The following ARMC1 variants were observed in gnomAD, a reference collection of about 807,000 sequenced individuals.
The protein encoded by ARMC1 is armadillo repeat-containing protein 1.
In ARMC1, 16 loss-of-function variants were observed where a neutral mutation model predicts 31.4. That is an observed-to-expected ratio of 0.51 (90% CI 0.34 to 0.77). The LOEUF is 0.77. ARMC1 is among the 30% of genes least tolerant of loss of function. ARMC1 has a pLI of 0.01. For synonymous variants in ARMC1, 114 were observed against 118.9 expected (o/e 0.96, Z 0.27); for missense variants, 259 against 347.5 (o/e 0.75, Z 2.02).
At chr8:65,625,096 G>A (rs566608034) in intron 2 of ARMC1, among the ~76,000 whole-genome samples, 1 of 152,318 alleles carries the variant, frequency 6.6e-6, no homozygotes, top group South Asian at 2.1e-4. Flanking sequence ...TCTCCAGCCT[G>A]GGTGGCAAGA....
At chr8:65,612,516 T>A (rs1231997431) in intron 4 of ARMC1, among the ~76,000 whole-genome samples, 2 of 151,522 alleles carry the variant, frequency 1.3e-5, no homozygotes, top group Admixed American at 6.6e-5. Context: ...GTGGGGGAAA[T>A]TTTTCAGATA....
intron 1 of ARMC1, among the ~76,000 whole-genome samples, chr8:65,629,594 T>A (rs1585722551): frequency 6.8e-6 from 1 of 148,118 alleles, no homozygotes. Flanking sequence ...AGGTCAGGAG[T>A]TCAAGACCAG....
intron 2 of ARMC1, among the ~76,000 whole-genome samples, chr8:65,625,215 C>T (rs1022193116): frequency 6.6e-6 from 1 of 152,030 alleles, no homozygotes; most frequent in Non-Finnish European, 1.5e-5. Flanking sequence ...TGACTTTATA[C>T]TTCCCTTCCT....
At chr8:65,614,464 T>C (rs1418036103) in intron 3 of ARMC1, among the ~76,000 whole-genome samples, 1 of 152,118 alleles carries the variant, frequency 6.6e-6, no homozygotes, top group African/African-American at 2.4e-5. Context: ...CCAAACAGAG[T>C]GAGTGGCTAA....
At chr8:65,627,600 G>C (rs972163451) in intron 1 of ARMC1, among the ~76,000 whole-genome samples, 167 bp from the exon 2 acceptor site, 1 of 152,078 alleles carries the variant, frequency 6.6e-6, no homozygotes, top group East Asian at 1.9e-4. Flanking sequence ...TAAAATGAAC[G>C]TAAGACGACT....
intron 4 of ARMC1, among the ~76,000 whole-genome samples, chr8:65,611,695 CTTTG>C (rs781723729): frequency 5.3e-4 from 81 of 152,154 alleles, no homozygotes; most frequent in South Asian, 1.5e-3. Context: ...CCACTTTAAA[CTTTG>C]TTTAACTACT....
chr8:65,607,848 T>A (rs1808036799), intron 4 of ARMC1, among the ~76,000 whole-genome samples: 1 of 152,128 alleles, frequency 6.6e-6, no homozygotes, highest in African/African-American at 2.4e-5. Context: ...TAATTTTTTT[T>A]ATTAAGTCTT....
chr8:65,613,437 G>A lies in ARMC1; in HGVS notation c.276-4C>T, dbSNP rs1394948673. The A allele has an allele frequency of 2.6e-6, 4 of 1,564,454 alleles. No individual in the cohort carries two copies. Among genetic ancestry groups the A allele is most frequent in the Non-Finnish European group, 3.5e-6 (4 of 1,158,090 alleles). ...TGTTTCTCCTGGAGTTGTAGTTCTTGAAAAGAAACACATATATAATTAGTC... is the reference window on the plus strand; with the variant it reads ...TGTTTCTCCTGGAGTTGTAGTTCTTAAAAAGAAACACATATATAATTAGTC... On this transcript the variant is annotated splice_polypyrimidine_tract_variant and splice_region_variant and intron_variant, in intron 3 of 6. Coordinates refer to ENST00000276569, the MANE Select transcript of ARMC1 (RefSeq NM_018120.6).
intron 3 of ARMC1, among the ~76,000 whole-genome samples, chr8:65,618,694 G>A (rs1473680018): frequency 6.6e-6 from 1 of 151,984 alleles, no homozygotes; most frequent in Non-Finnish European, 1.5e-5. Context: ...AATTAAACAG[G>A]GAAGGAGAAC....
Position 65,604,298 on chromosome 8 carries a change from A to G in ARMC1, c.*96T>C, listed in dbSNP as rs1807953913. On this transcript the variant is annotated 3_prime_UTR_variant, in exon 7 of 7. Transcript: ENST00000276569. ...CGATCGTGTAATCTAAAAACTTTTCATGATAACTTATTGCAAATTGCACTT... is the reference window on the plus strand; with the variant it reads ...CGATCGTGTAATCTAAAAACTTTTCGTGATAACTTATTGCAAATTGCACTT... The G allele has an allele frequency of 8.2e-7, 1 of 1,213,246 alleles. No homozygotes were observed. Among genetic ancestry groups the G allele is most frequent in the Non-Finnish European group, 1.2e-6 (1 of 862,486 alleles). 75.2% of individuals were successfully genotyped at this position (1,213,246 alleles called of 1,614,324 possible).
rs116992565 is a variant in ARMC1 at position 65,605,349 on chromosome 8, T to G, written c.583-12A>C. 13,846 of 1,613,576 alleles carry G rather than the reference T, an allele frequency of 8.6e-3. 59 individuals carry two copies. Among genetic ancestry groups the G allele is most frequent in the Middle Eastern group, 0.015 (90 of 6,058 alleles). Reference sequence around the variant, plus strand: ...GCTGATGCCAAAGCCTAAGCCAAGATAAAAAGGAACAATTTTGAAATTGAT... The same window carrying G: ...GCTGATGCCAAAGCCTAAGCCAAGAGAAAAAGGAACAATTTTGAAATTGAT... On this transcript the variant is annotated splice_polypyrimidine_tract_variant and intron_variant, in intron 5 of 6. Transcript: ENST00000276569.
intron 3 of ARMC1, among the ~76,000 whole-genome samples, chr8:65,620,052 T>C (rs550296392): frequency 1.3e-5 from 2 of 151,188 alleles, no homozygotes; most frequent in Non-Finnish European, 2.9e-5. Flanking sequence ...GCAGGAGGAT[T>C]ACTTGAGCCC....
chr8:65,607,959 C>G (rs1395855283), intron 4 of ARMC1, among the ~76,000 whole-genome samples: 1 of 151,996 alleles, frequency 6.6e-6, no homozygotes, highest in Non-Finnish European at 1.5e-5. Flanking sequence ...CTCTTCCTAG[C>G]TGTTTGTTTT....
intron 4 of ARMC1, among the ~76,000 whole-genome samples, chr8:65,609,245 G>C (rs1808071422): frequency 6.6e-6 from 1 of 150,894 alleles, no homozygotes; most frequent in Admixed American, 6.6e-5. Flanking sequence ...TGAGATTACA[G>C]GCATGTGCCA....
At chr8:65,606,593 AT>A (rs1320629421) in intron 4 of ARMC1, among the ~76,000 whole-genome samples, 36 of 152,138 alleles carry the variant, frequency 2.4e-4, no homozygotes, top group African/African-American at 8.4e-4. Flanking sequence ...TGTGGTTCTC[AT>A]TTTCCTAATA....
intron 5 of ARMC1, 30 bp downstream of exon 5, chr8:65,605,392 C>G (rs764525036): frequency 1.6e-5 from 26 of 1,612,546 alleles, no homozygotes; most frequent in Non-Finnish European, 2.1e-5. Context: ...CCTGTAATCT[C>G]AAGCATATTC....
rs1175985423 is a variant in ARMC1, at chr8:65,602,903, C to G, written c.*1491G>C. ...ATGTAAAAAAATATCATCCTCAATGCCCCCCATTAACTCTCTCTCCAGAAG... is the reference window on the plus strand; with the variant it reads ...ATGTAAAAAAATATCATCCTCAATGGCCCCCATTAACTCTCTCTCCAGAAG... On this transcript the variant is annotated 3_prime_UTR_variant, in exon 7 of 7. Coordinates refer to ENST00000276569, the MANE Select transcript of ARMC1 (RefSeq NM_018120.6). 6.6e-6 allele frequency: 1 copy of G among 151,136 alleles called. No individual in the cohort carries two copies. The highest frequency in any genetic ancestry group is 1.5e-5 in the Non-Finnish European group (1 of 67,810). The allele number at this position is 151,136 out of a possible 1,614,324, so 9.4% of individuals were successfully genotyped here.
rs375534924 is a variant in ARMC1, at chr8:65,622,290, A to G, written c.248T>C (p.Met83Thr). The G allele has an allele frequency of 3.7e-6, 6 of 1,613,912 alleles. No individual in the cohort carries two copies. Among genetic ancestry groups the G allele is most frequent in the African/African-American group, 2.7e-5 (2 of 74,956 alleles). ...CTGTATAACATTTTGTAAGCTCAAC[A>G]TCATACCCAGTTCTCCTTTCATCTT... ...REKMKGELGM[M>T]LSLQNVIQKT... is the part of the protein sequence containing the mutation. Residue 83 changes from methionine to threonine, a missense_variant, in exon 3 of 7, where the codon ATG becomes ACG. By Grantham distance (81) the Met-to-Thr change is moderately conservative. This residue lies in a region of ARMC1 where 163 missense variants were observed against 186.7 expected (regional missense o/e 0.87). Transcript: ENST00000276569.
intron 2 of ARMC1, among the ~76,000 whole-genome samples, chr8:65,626,819 G>A (rs921194445): frequency 6.6e-6 from 1 of 152,090 alleles, no homozygotes; most frequent in African/African-American, 2.4e-5. Flanking sequence ...TCAGGAGTTT[G>A]AGCCTGGCCA....
Sources: gnomAD v4.1 joint callset for allele counts (sites outside exome capture counted in the v4.1 genomes callset) on GRCh38, gnomAD v4.1.1 for gene constraint, gnomAD v4.1.1 regional missense constraint, MANE v1.5 for transcripts, NCBI Gene and HGNC (gene_info 2026-07-23, HGNC 2026-07-21) for gene names.